ULK4: variants seen among roughly 807,000 people sequenced by gnomAD.
ULK4 encodes the protein unc-51 like kinase 4, also known as inactive serine/threonine-protein kinase ULK4.
ULK4 carries 133 observed loss-of-function variants against 160.6 expected under a neutral mutation model. The observed-to-expected ratio is 0.83, with a 90% CI of 0.72 to 0.96. The LOEUF is 0.96. Ranked by LOEUF, ULK4 falls within the 40% of genes least tolerant of loss-of-function variation. The pLI is 0.00. For synonymous variants in ULK4, 534 were observed against 539.8 expected (o/e 0.99, Z 0.15); for missense variants, 1,580 against 1,499.5 (o/e 1.05, Z -0.89).
Position 41,411,452 on chromosome 3 carries a change from G to C in ULK4, c.3493-13188C>G, listed in dbSNP as rs529504451. Among the ~76,000 whole-genome samples, 4 of 144,976 alleles carry C rather than the reference G, an allele frequency of 2.8e-5. No homozygotes were observed. The South Asian group carries it at 8.6e-4, about 31-fold the overall frequency. On this transcript the variant is annotated intron_variant, in intron 34 of 36. Transcript: ENST00000301831. ...TTTTTTTTATTTTTATTTTGAGACA[G>C]AGTCTCACTCTGTCGCCCAGGCTGG...
intron 17 of ULK4, among the ~76,000 whole-genome samples, chr3:41,844,892 C>A (rs114328696): frequency 6.6e-6 from 1 of 151,846 alleles, no homozygotes; most frequent in African/African-American, 2.4e-5. Context: ...AGGCTGTTGT[C>A]CACACAAACA....
intron 31 of ULK4, among the ~76,000 whole-genome samples, chr3:41,610,866 T>C (rs552694817): frequency 6.6e-6 from 1 of 152,236 alleles, no homozygotes; most frequent in South Asian, 2.1e-4. Context: ...AAAACAGAGG[T>C]TACCTATATT....
chr3:41,696,057 C>A (rs2036487020), intron 27 of ULK4, among the ~76,000 whole-genome samples: 2 of 152,156 alleles, frequency 1.3e-5, no homozygotes, highest in Admixed American at 1.3e-4. Context: ...CTAGCAGTAG[C>A]CTCAGTGTCA....
At chr3:41,613,841 A>T (rs968142741) in intron 31 of ULK4, among the ~76,000 whole-genome samples, 19 of 152,206 alleles carry the variant, frequency 1.2e-4, no homozygotes, top group Admixed American at 6.5e-4. Context: ...TGAGCATGGA[A>T]CTGTTCTGGT....
intron 4 of ULK4, 115 bp downstream of exon 4, chr3:41,935,682 TTAAC>T: frequency 8.1e-7 from 1 of 1,237,874 alleles, no homozygotes; most frequent in Non-Finnish European, 1.1e-6. Flanking sequence ...TAAAAAAAGA[TTAAC>T]TAAAATTTCA....
At chr3:41,829,731 A>G (rs2041503759) in intron 18 of ULK4, among the ~76,000 whole-genome samples, 1 of 151,634 alleles carries the variant, frequency 6.6e-6, no homozygotes, top group African/African-American at 2.4e-5. Context: ...TGTGGAAGTC[A>G]GTGTGGCGAT....
chr3:41,319,063 G>C (rs1575428095), intron 35 of ULK4, among the ~76,000 whole-genome samples: 1 of 152,176 alleles, frequency 6.6e-6, no homozygotes, highest in Middle Eastern at 3.4e-3. Context: ...AATGAGTTTA[G>C]GTATTTCTTG....
At chr3:41,390,364 C>T (rs1222341129) in intron 35 of ULK4, among the ~76,000 whole-genome samples, 2 of 152,098 alleles carry the variant, frequency 1.3e-5, no homozygotes, top group African/African-American at 4.8e-5. Flanking sequence ...GTCTCTATTT[C>T]CTTCAGTTCT....
chr3:41,691,186 G>T (rs1018459190), intron 27 of ULK4, among the ~76,000 whole-genome samples: 1 of 151,878 alleles, frequency 6.6e-6, no homozygotes, highest in Middle Eastern at 3.2e-3. Context: ...ACTGCCTCAA[G>T]TGAGCATGTG....
At chr3:41,286,442 T>C (rs1434633650) in intron 35 of ULK4, among the ~76,000 whole-genome samples, 4 of 152,058 alleles carry the variant, frequency 2.6e-5, no homozygotes, top group Non-Finnish European at 5.9e-5. Flanking sequence ...AAGCCCACCA[T>C]ATGCTATGGG....
intron 34 of ULK4, among the ~76,000 whole-genome samples, chr3:41,431,547 C>CCTTTTTTTTTTTTGTTTTTTTTTT (rs563543377): frequency 1.0e-5 from 1 of 95,854 alleles, no homozygotes; most frequent in Non-Finnish European, 2.0e-5. Flanking sequence ...AATTCCCTCC[C>CCTTTTTTTTTTTTGTTTTTTTTTT]TTTTTTTTTT....
chr3:41,430,915 G>T (rs1330831388), intron 34 of ULK4, among the ~76,000 whole-genome samples: 1 of 152,012 alleles, frequency 6.6e-6, no homozygotes, highest in Admixed American at 6.5e-5. Context: ...GGGGGTGGGG[G>T]TGGCAAAAAT....
intron 30 of ULK4, among the ~76,000 whole-genome samples, chr3:41,625,369 G>C (rs996078175): frequency 6.6e-6 from 1 of 152,126 alleles, no homozygotes; most frequent in African/African-American, 2.4e-5. Context: ...TTAAAATGTG[G>C]TTTTAAAAAA....
chr3:41,497,445 G>C (rs75494167), intron 32 of ULK4, among the ~76,000 whole-genome samples: 1 of 151,760 alleles, frequency 6.6e-6, no homozygotes, highest in Non-Finnish European at 1.5e-5. Flanking sequence ...GGGTTCAAGA[G>C]GAAAAAGAAA....
intron 34 of ULK4, among the ~76,000 whole-genome samples, chr3:41,420,337 TTA>T (rs1006883665): frequency 6.6e-6 from 1 of 151,968 alleles, no homozygotes; most frequent in Non-Finnish European, 1.5e-5. Context: ...ACATCATATT[TTA>T]TGTTTTCAAA....
intron 5 of ULK4, among the ~76,000 whole-genome samples, chr3:41,926,352 A>C (rs565547970): frequency 1.3e-5 from 2 of 152,212 alleles, no homozygotes; most frequent in Non-Finnish European, 2.9e-5. Flanking sequence ...GGTCACCAAC[A>C]TCAAACACCA....
intron 17 of ULK4, among the ~76,000 whole-genome samples, chr3:41,842,499 C>T (rs772442583): frequency 6.6e-6 from 1 of 152,128 alleles, no homozygotes; most frequent in Non-Finnish European, 1.5e-5. Flanking sequence ...GGGGCAGATC[C>T]CTCATGAATG....
chr3:41,311,196 C>T (rs528447714), intron 35 of ULK4, among the ~76,000 whole-genome samples: 1 of 152,090 alleles, frequency 6.6e-6, no homozygotes, highest in Non-Finnish European at 1.5e-5. Context: ...ATGGTTAATA[C>T]TGAGTGTCAA....
chr3:41,905,179 A>C (rs1446027985), intron 12 of ULK4, among the ~76,000 whole-genome samples: 1 of 152,236 alleles, frequency 6.6e-6, no homozygotes, highest in Non-Finnish European at 1.5e-5. Flanking sequence ...AAACCTTCAC[A>C]TATACAGTCA....
Sources: allele counts gnomAD v4.1 joint callset (sites outside exome capture counted in the v4.1 genomes callset), GRCh38; gene constraint gnomAD v4.1.1; transcripts MANE v1.5; gene names NCBI Gene and HGNC (gene_info 2026-07-23, HGNC 2026-07-21).